MLLT3: variants seen among roughly 807,000 people sequenced by gnomAD.
MLLT3 encodes protein AF-9.
MLLT3 carries 4 observed loss-of-function variants against 53.2 expected under a neutral mutation model. That is an observed-to-expected ratio of 0.08 (90% CI 0.04 to 0.17). MLLT3 has a LOEUF of 0.17. MLLT3 is among the 10% of genes least tolerant of loss of function. The pLI is 1.00. For missense variants in MLLT3, 569 were observed against 684.0 expected (o/e 0.83, Z 1.87); for synonymous variants, 283 against 230.6 (o/e 1.23, Z -2.06).
intron 5 of MLLT3, among the ~76,000 whole-genome samples, chr9:20,408,025 T>C (rs527513743): frequency 6.6e-6 from 1 of 152,142 alleles, no homozygotes; most frequent in African/African-American, 2.4e-5. Context: ...ATTGAATAGG[T>C]GATGTAGCTC....
chr9:20,477,089 G>A (rs1239961950), intron 2 of MLLT3, among the ~76,000 whole-genome samples: 2 of 152,028 alleles, frequency 1.3e-5, no homozygotes, highest in Non-Finnish European at 2.9e-5. Flanking sequence ...CCCTTCTCTG[G>A]GGCCCAGTGG....
In MLLT3 at chr9:20,343,531, C is replaced by A. The variant is rs907709806; in HGVS notation, c.*2912G>T. 1 of 229,004 alleles carries A rather than the reference C, an allele frequency of 4.4e-6. No individual in the cohort carries two copies. Among genetic ancestry groups the A allele is most frequent in the African/African-American group, 2.2e-5 (1 of 45,058 alleles). 14.2% of individuals were successfully genotyped at this position (229,004 alleles called of 1,614,324 possible). ...ATCCGAAGACAGAAGGAACCCCAAA[C>A]CCACCAACACACATCCTGCTGCAAA... On this transcript the variant is annotated 3_prime_UTR_variant, in exon 11 of 11. Coordinates refer to ENST00000380338, the MANE Select transcript of MLLT3 (RefSeq NM_004529.4).
chr9:20,409,611 G>C (rs1221155218), intron 5 of MLLT3, among the ~76,000 whole-genome samples: 1 of 152,102 alleles, frequency 6.6e-6, no homozygotes, highest in East Asian at 1.9e-4. Flanking sequence ...ACTCTAATGG[G>C]AATAGCCTCA....
intron 3 of MLLT3, among the ~76,000 whole-genome samples, chr9:20,454,272 TGTGC>T (rs1823907626): frequency 1.3e-5 from 2 of 152,222 alleles, no homozygotes; most frequent in East Asian, 3.9e-4. Context: ...CATGCGTGTG[TGTGC>T]GTGCGCGTAT....
intron 2 of MLLT3, among the ~76,000 whole-genome samples, chr9:20,533,768 G>A (rs1818404829): frequency 1.3e-5 from 2 of 152,186 alleles, no homozygotes; most frequent in Non-Finnish European, 2.9e-5. Flanking sequence ...TGAACCTGGA[G>A]GACATTATGC....
intron 5 of MLLT3, among the ~76,000 whole-genome samples, chr9:20,405,588 T>C (rs1563952794): frequency 6.6e-6 from 1 of 152,204 alleles, no homozygotes; most frequent in Non-Finnish European, 1.5e-5. Context: ...ATCTTACCTA[T>C]TGTATAGATT....
intron 2 of MLLT3, among the ~76,000 whole-genome samples, chr9:20,509,773 C>T (rs1825479467): frequency 6.6e-6 from 1 of 152,098 alleles, no homozygotes; most frequent in African/African-American, 2.4e-5. Flanking sequence ...TCATTACTAC[C>T]ACATATTTTT....
chr9:20,452,540 T>A (rs1314571902), intron 3 of MLLT3, among the ~76,000 whole-genome samples: 1 of 152,200 alleles, frequency 6.6e-6, no homozygotes, highest in Non-Finnish European at 1.5e-5. Context: ...GAGAAGGGAC[T>A]AATATGCCAT....
intron 5 of MLLT3, among the ~76,000 whole-genome samples, chr9:20,408,039 TAAAG>T (rs1463966081): frequency 2.0e-5 from 3 of 152,196 alleles, no homozygotes; most frequent in Admixed American, 2.0e-4. Context: ...GTAGCTCTCT[TAAAG>T]AAGGCTCACA....
chr9:20,405,329 T>C (rs1822553037), intron 5 of MLLT3, among the ~76,000 whole-genome samples: 1 of 152,226 alleles, frequency 6.6e-6, no homozygotes, highest in African/African-American at 2.4e-5. Context: ...TCTTCCCTTT[T>C]CACCAGAATG....
chr9:20,381,226 C>G (rs892973541), intron 5 of MLLT3, among the ~76,000 whole-genome samples: 1 of 151,802 alleles, frequency 6.6e-6, no homozygotes, highest in Non-Finnish European at 1.5e-5. Context: ...ACAATTTTAT[C>G]GGGATTAGCA....
At chr9:20,435,836 C>T (rs562406255) in intron 4 of MLLT3, among the ~76,000 whole-genome samples, 4 of 152,278 alleles carry the variant, frequency 2.6e-5, no homozygotes, top group African/African-American at 9.6e-5. Context: ...TCTTGGATTT[C>T]CTGAGCCTGT....
chr9:20,607,739 T>G (rs1407322608), intron 2 of MLLT3, among the ~76,000 whole-genome samples: 3 of 152,066 alleles, frequency 2.0e-5, no homozygotes, highest in Non-Finnish European at 4.4e-5. Flanking sequence ...TTTTAAAGTT[T>G]AATGTCAAAA....
chr9:20,346,958 G>C (rs745548229), intron 10 of MLLT3, among the ~76,000 whole-genome samples: 18 of 147,216 alleles, frequency 1.2e-4, no homozygotes, highest in Non-Finnish European at 2.2e-4. Flanking sequence ...ATCCAGCCGA[G>C]AAATAACAAA....
At chr9:20,605,228 C>A (rs1393267978) in intron 2 of MLLT3, among the ~76,000 whole-genome samples, 2 of 152,046 alleles carry the variant, frequency 1.3e-5, no homozygotes, top group East Asian at 3.8e-4. Context: ...CCAAAAACTA[C>A]TTACACTGTT....
chr9:20,360,546 T>C (rs901421708), intron 8 of MLLT3, among the ~76,000 whole-genome samples, 196 bp downstream of exon 8: 5 of 152,244 alleles, frequency 3.3e-5, no homozygotes, highest in Admixed American at 1.3e-4. Flanking sequence ...TGGTGGAACA[T>C]ATTCATCTTC....
rs892008680 is a variant in MLLT3, at chr9:20,620,293, ACG to A, written c.193+359_193+360del. Among the ~76,000 whole-genome samples the A allele has an allele frequency of 1.1e-4, 16 of 145,962 alleles. No homozygotes were observed. The highest frequency in any genetic ancestry group is 1.5e-4 in the Non-Finnish European group (10 of 65,634). ...CACACACACACACACACACACACAC[ACG>A]CGCAAAGTGTTTATTCCCTCCAGCC... is the stretch of plus-strand genomic sequence containing the variant. On this transcript the variant is annotated intron_variant, in intron 2 of 10. Transcript: ENST00000380338. This position sits in a 1 kb window ranked among gnomAD's most constrained non-coding sequence, Gnocchi z 6.1.
chr9:20,393,017 T>G (rs1822226413), intron 5 of MLLT3, among the ~76,000 whole-genome samples: 1 of 152,124 alleles, frequency 6.6e-6, no homozygotes, highest in African/African-American at 2.4e-5. Flanking sequence ...TAGCTGGGCA[T>G]GGTGGCACAT....
At chr9:20,398,674 G>T (rs1186403714) in intron 5 of MLLT3, among the ~76,000 whole-genome samples, 2 of 152,054 alleles carry the variant, frequency 1.3e-5, no homozygotes, top group African/African-American at 4.8e-5. Context: ...TCATGCCCCT[G>T]CACAGCCCCT....
Sources: allele counts gnomAD v4.1 joint callset (sites outside exome capture counted in the v4.1 genomes callset), GRCh38; gene constraint gnomAD v4.1.1; non-coding constraint Gnocchi (gnomAD v3.1); transcripts MANE v1.5; gene names NCBI Gene and HGNC (gene_info 2026-07-23, HGNC 2026-07-21).